Variants in FHOD3 observed in about 807,000 individuals in gnomAD.
The protein encoded by FHOD3 is FH1/FH2 domain-containing protein 3.
A neutral mutation model predicts 173.0 loss-of-function variants in FHOD3; 90 were observed. The ratio of observed to expected loss-of-function variants is 0.52; its 90% CI spans 0.44 to 0.62. The LOEUF is 0.62. Among genes scored for constraint, FHOD3 ranks in the 20% least tolerant of loss-of-function variants. The probability of loss-of-function intolerance (pLI) is 0.00; values close to 1 mark genes in which losing one functional copy is unlikely to be tolerated. For synonymous variants in FHOD3, 828 were observed against 823.0 expected, an observed-to-expected ratio of 1.01 and a Z score of -0.10; for missense variants, 1,945 against 2,034.7, an observed-to-expected ratio of 0.96 and a Z score of 0.85.
rs73418944 is a variant in FHOD3, at chr18:36,396,486, A to T, written c.337+23742A>T. Among the ~76,000 whole-genome samples, 854 of 152,102 alleles carry T rather than the reference A, an allele frequency of 5.6e-3. 7 individuals are homozygous for T. The highest frequency in any genetic ancestry group is 0.019 in the African/African-American group (803 of 41,514). ...TTTCTGCATCTCTTGAAGCATTATT[A>T]TTATTGTGTTTATTTAGTTTTCTGT... On this transcript the variant is annotated intron_variant, in intron 3 of 28. Coordinates refer to ENST00000590592, the MANE Select transcript of FHOD3 (RefSeq NM_001281740.3).
intron 3 of FHOD3, among the ~76,000 whole-genome samples, chr18:36,466,946 A>G (rs945955347): frequency 7.2e-5 from 11 of 151,958 alleles, no homozygotes; most frequent in African/African-American, 2.7e-4. Flanking sequence ...AAGGCTAGGT[A>G]GGTACCTGGA....
chr18:36,340,560 G>C (rs1232442069), intron 1 of FHOD3, among the ~76,000 whole-genome samples: 1 of 147,818 alleles, frequency 6.8e-6, no homozygotes, highest in Admixed American at 6.8e-5. Flanking sequence ...TCTTCCCTTG[G>C]TTTGTATGAC....
chr18:36,362,584 T>G (rs1290559969), intron 2 of FHOD3, among the ~76,000 whole-genome samples: 2 of 151,992 alleles, frequency 1.3e-5, no homozygotes, highest in African/African-American at 2.4e-5. Context: ...GGTGATTCCT[T>G]GGAGGGAGCT....
chr18:36,772,271 G>T (rs1188910311), intron 28 of FHOD3, among the ~76,000 whole-genome samples: 1 of 152,196 alleles, frequency 6.6e-6, no homozygotes, highest in African/African-American at 2.4e-5. Context: ...TTTAAGAAGG[G>T]AGAAGTTAGA....
chr18:36,730,746 C>A lies in FHOD3; in HGVS notation c.3518C>A (p.Thr1173Lys). The A allele has an allele frequency of 6.2e-7, 1 of 1,614,036 alleles. No individual in the cohort carries two copies. The highest frequency in any genetic ancestry group is 1.3e-5 in the African/African-American group (1 of 75,008). ...CTGACGGTGCTGCCCCCTCCAAGGACGATTAAGATCGCCATTTTGAATTTT... is the reference window on the plus strand; with the variant it reads ...CTGACGGTGCTGCCCCCTCCAAGGAAGATTAAGATCGCCATTTTGAATTTT... ...IGLTVLPPPR[T>K]IKIAILNFDE... The change falls in exon 20 of 29, where the codon ACG becomes AAG. Residue 1173 changes from threonine to lysine, a missense_variant. By Grantham distance (78) the Thr-to-Lys change is moderately conservative. Coordinates refer to ENST00000590592, the MANE Select transcript of FHOD3 (RefSeq NM_001281740.3).
chr18:36,708,093 A>AT (rs2039981235), intron 17 of FHOD3, among the ~76,000 whole-genome samples: 1 of 152,204 alleles, frequency 6.6e-6, no homozygotes, highest in Non-Finnish European at 1.5e-5. Context: ...AAATAAAAAA[A>AT]TTTTAAAAAA....
At chr18:36,440,660 T>A (rs1446856152) in intron 3 of FHOD3, among the ~76,000 whole-genome samples, 1 of 152,210 alleles carries the variant, frequency 6.6e-6, no homozygotes, top group East Asian at 1.9e-4. Context: ...AGGCCAAGCT[T>A]TGAAATTTTT....
At chr18:36,333,967 C>T (rs2045162382) in intron 1 of FHOD3, among the ~76,000 whole-genome samples, 1 of 152,192 alleles carries the variant, frequency 6.6e-6, no homozygotes, top group African/African-American at 2.4e-5. Context: ...TGAATCAGAT[C>T]CATATTCCTG....
In FHOD3 at chr18:36,740,806, G is replaced by T. The variant is rs202146466; in HGVS notation, c.3727G>T (p.Ala1243Ser). ...GCTCTCTGCACGACTTCACCTCTGG[G>T]CATTCAAAATGGATTATGAAACTAC... is the stretch of plus-strand genomic sequence containing the variant. ...SELSARLHLW[A>S]FKMDYETTEK... is the part of the protein sequence containing the mutation. Residue 1243 changes from alanine (A) to serine (S), a missense_variant, in exon 21 of 29, where the codon GCA (alanine) becomes TCA (serine). Ala to Ser is a moderately conservative substitution (Grantham distance 99). Coordinates refer to ENST00000590592, the MANE Select transcript of FHOD3 (RefSeq NM_001281740.3). The T allele has an allele frequency of 6.2e-7, 1 of 1,612,848 alleles. No individual in the cohort carries two copies. The highest frequency in any genetic ancestry group is 1.3e-5 in the African/African-American group (1 of 74,788).
At chr18:36,536,753 A>G (rs146774431) in intron 5 of FHOD3, among the ~76,000 whole-genome samples, 3 of 152,182 alleles carry the variant, frequency 2.0e-5, no homozygotes, top group African/African-American at 7.2e-5. Flanking sequence ...GAGGCTTCCC[A>G]TGGGGTGGCA....
chr18:36,441,872 C>T (rs142920844), intron 3 of FHOD3, among the ~76,000 whole-genome samples: 28 of 152,188 alleles, frequency 1.8e-4, no homozygotes, highest in East Asian at 3.9e-4. Context: ...TACAGTGACA[C>T]GTTGCATGAT....
chr18:36,520,050 C>G (rs1054021294), intron 5 of FHOD3, among the ~76,000 whole-genome samples: 1 of 150,928 alleles, frequency 6.6e-6, no homozygotes, highest in Non-Finnish European at 1.5e-5. Context: ...CCTCAGACTC[C>G]TGGGTCATGT....
Position 36,322,007 on chromosome 18 carries a change from C to G in FHOD3, c.165+24007C>G, listed in dbSNP as rs142307294. On this transcript the variant is annotated intron_variant, in intron 1 of 28. Transcript: ENST00000590592. Reference sequence around the variant, plus strand: ...GCCACCTGGCTGTAGGACACTATCTCTTGGTGGGTTTGGAGTATGAATTTG... The same window carrying G: ...GCCACCTGGCTGTAGGACACTATCTGTTGGTGGGTTTGGAGTATGAATTTG... Among the ~76,000 whole-genome samples the G allele has an allele frequency of 2.3e-3, 353 of 152,284 alleles. 3 individuals carry two copies. Among genetic ancestry groups the G allele is most frequent in the African/African-American group, 7.9e-3 (330 of 41,556 alleles).
intron 3 of FHOD3, among the ~76,000 whole-genome samples, chr18:36,436,477 A>T (rs1185478200): frequency 1.3e-5 from 2 of 152,206 alleles, no homozygotes; most frequent in Admixed American, 6.5e-5. Context: ...TTTTAATGGG[A>T]TAAAAGATCA....
At chr18:36,465,770 G>A (rs1228295754) in intron 3 of FHOD3, among the ~76,000 whole-genome samples, 1 of 152,010 alleles carries the variant, frequency 6.6e-6, no homozygotes, top group Non-Finnish European at 1.5e-5. Context: ...GCTGTGTGTG[G>A]GCGTGGTGGG....
intron 1 of FHOD3, among the ~76,000 whole-genome samples, chr18:36,335,952 C>T (rs778355481): frequency 8.5e-5 from 13 of 152,144 alleles, no homozygotes; most frequent in Non-Finnish European, 1.6e-4. Context: ...CATGACGGCA[C>T]GGGCATCTCG....
chr18:36,734,520 C>T, intron 20 of FHOD3, among the ~76,000 whole-genome samples: 1 of 85,828 alleles, frequency 1.2e-5, no homozygotes, highest in African/African-American at 4.6e-5. Context: ...TTCCCAGTCA[C>T]AGCTGTGAAG....
intron 3 of FHOD3, among the ~76,000 whole-genome samples, chr18:36,396,960 C>CT (rs1434606572): frequency 3.9e-5 from 6 of 152,038 alleles, no homozygotes; most frequent in African/African-American, 1.4e-4. Context: ...TTTCTTGTCT[C>CT]TATTCTTGTC....
At chr18:36,739,311 T>C (rs1381979504) in intron 20 of FHOD3, among the ~76,000 whole-genome samples, 2 of 152,160 alleles carry the variant, frequency 1.3e-5, no homozygotes. Context: ...CAAGAACCCA[T>C]ACTTTGCTGA....
Sources: gnomAD v4.1 joint callset for allele counts (sites outside exome capture counted in the v4.1 genomes callset) on GRCh38, gnomAD v4.1.1 for gene constraint, MANE v1.5 for transcripts, NCBI Gene and HGNC (gene_info 2026-07-23, HGNC 2026-07-21) for gene names.